Variants in CABLES2 observed in about 807,000 individuals in gnomAD.
CABLES2 encodes CDK5 and ABL1 enzyme substrate 2.
In CABLES2, 35 loss-of-function variants were observed where a neutral mutation model predicts 44.8. The observed-to-expected ratio is 0.78, with a 90% confidence interval of 0.60 to 1.04. CABLES2 has a LOEUF of 1.04. Ranked by LOEUF, CABLES2 falls within the 50% of genes least tolerant of loss-of-function variation. The probability of loss-of-function intolerance (pLI) is 0.00; values close to 1 mark genes in which losing one functional copy is unlikely to be tolerated. For missense variants in CABLES2, 566 were observed against 615.7 expected (o/e 0.92, Z 0.85); for synonymous variants, 282 against 281.1 (o/e 1.00, Z -0.03).
intron 1 of CABLES2, chr20:62,404,426 A>G (rs1286186790): frequency 6.6e-6 from 1 of 152,374 alleles, no homozygotes; most frequent in African/African-American, 2.4e-5. Context: ...CACCACACTC[A>G]CAAGACCAAC....
chr20:62,399,264 G>T (rs1988143819), intron 1 of CABLES2, among the ~76,000 whole-genome samples: 1 of 78,494 alleles, frequency 1.3e-5, no homozygotes, highest in African/African-American at 7.9e-5. Flanking sequence ...TTATTTTTTT[G>T]AGATGGAGTC....
intron 1 of CABLES2, among the ~76,000 whole-genome samples, chr20:62,398,109 G>GTGGTTATGACGGTGGTGA (rs1988091144): frequency 9.5e-6 from 1 of 104,842 alleles, no homozygotes; most frequent in Non-Finnish European, 2.1e-5. Flanking sequence ...GGTGGTGATG[G>GTGGTTATGACGGTGGTGA]TGGTGGTGGT....
rs1569017652 is a variant in CABLES2 at position 62,398,116 on chromosome 20, T to TGGTGGTGGTGATGGC, written c.363-1525_363-1524insGCCATCACCACCACC. Among the ~76,000 whole-genome samples, 160 of 137,870 alleles carry TGGTGGTGGTGATGGC rather than the reference T, an allele frequency of 1.2e-3. 3 individuals are homozygous for TGGTGGTGGTGATGGC. Among genetic ancestry groups the TGGTGGTGGTGATGGC allele is most frequent in the Non-Finnish European group, 2.1e-3 (135 of 64,848 alleles). The allele number at this position is 137,870 out of a possible 152,430, so 90.4% of individuals were successfully genotyped here. A position where few individuals can be genotyped will look rare whatever the true frequency, so the allele number is the denominator to read the frequency against. On this transcript the variant is annotated intron_variant, in intron 1 of 9. Transcript: ENST00000279101. ...GTGGTGGTGGTGGTGATGGTGGTGG[T>TGGTGGTGGTGATGGC]GGTGGTGGTTATGACGGTGGTGATG...
At chr20:62,398,141 GGTGGT>G (rs1988097197) in intron 1 of CABLES2, among the ~76,000 whole-genome samples, 1 of 141,844 alleles carries the variant, frequency 7.1e-6, no homozygotes, top group Non-Finnish European at 1.5e-5. Context: ...CGGTGGTGAT[GGTGGT>G]GGTGGTGGTG....
At chr20:62,397,962 A>G (rs865972807) in intron 1 of CABLES2, among the ~76,000 whole-genome samples, 47 of 75,076 alleles carry the variant, frequency 6.3e-4, no homozygotes, top group South Asian at 3.4e-3. Flanking sequence ...AGTGGTGGTG[A>G]TGGTGGTGAC....
At chr20:62,392,536 C>T (rs754751650) in intron 7 of CABLES2, 41 bp from the exon 8 acceptor site, 5 of 1,409,018 alleles carry the variant, frequency 3.5e-6, no homozygotes, top group East Asian at 2.3e-5. Flanking sequence ...GCCCCTCGCA[C>T]AGTCCATGGG....
intron 8 of CABLES2, among the ~76,000 whole-genome samples, chr20:62,392,167 T>G (rs183319215): frequency 7.2e-6 from 1 of 139,474 alleles, no homozygotes; most frequent in East Asian, 2.2e-4. Flanking sequence ...AGAGACCCAG[T>G]GGTGTGTGGG....
At position 62,398,032 on chromosome 20, in the gene CABLES2, CAGTGATGGTGATGGTGGTGATGGCGAT is replaced by C. The variant is rs1988073623; in HGVS notation, c.363-1467_363-1441del. Among the ~76,000 whole-genome samples the C allele has an allele frequency of 6.3e-5, 5 of 78,840 alleles. No homozygotes were observed. The South Asian group carries it at 1.4e-3, about 23-fold the overall frequency. The allele number at this position is 78,840 out of a possible 152,430, so 51.7% of individuals were successfully genotyped here. ...GTTATGGCGGTGGTGGTGGTGGTGA[CAGTGATGGTGATGGTGGTGATGGCGAT>C]GGTGGTGGTGACGGTGGTGGTGGTG... On this transcript the variant is annotated intron_variant, in intron 1 of 9. Coordinates refer to ENST00000279101, the MANE Select transcript of CABLES2 (RefSeq NM_031215.3).
intron 4 of CABLES2, among the ~76,000 whole-genome samples, 171 bp downstream of exon 4, chr20:62,394,766 C>T (rs566851979): frequency 7.0e-4 from 107 of 152,336 alleles, no homozygotes; most frequent in African/African-American, 2.5e-3. Flanking sequence ...GAAACGGCCC[C>T]GGGTTCCTGA....
intron 1 of CABLES2, chr20:62,405,200 C>T (rs1175768484): frequency 6.6e-6 from 1 of 152,390 alleles, no homozygotes; most frequent in African/African-American, 2.4e-5. Context: ...TGTCAAACAA[C>T]AGGGCCCGGG....
At chr20:62,397,896 GTGGTGGTGA>G (rs2146422876) in intron 1 of CABLES2, among the ~76,000 whole-genome samples, 1 of 151,392 alleles carries the variant, frequency 6.6e-6, no homozygotes, top group African/African-American at 2.4e-5. Context: ...GGTGATGGCG[GTGGTGGTGA>G]TGGTGATGGC....
chr20:62,397,915 C>CGGTGGTGGTGGTG, intron 1 of CABLES2, among the ~76,000 whole-genome samples: 1 of 55,550 alleles, frequency 1.8e-5, no homozygotes, highest in East Asian at 1.2e-3. Context: ...ATGGTGATGG[C>CGGTGGTGGTGGTG]AGTGGTGATG....
In CABLES2 at chr20:62,407,055, C is replaced by T; in HGVS notation, c.222G>A (p.Pro74=). The T allele has an allele frequency of 1.8e-6, 2 of 1,090,108 alleles. No homozygotes were observed. Among genetic ancestry groups the T allele is most frequent in the East Asian group, 6.3e-5 (1 of 15,850 alleles). 67.5% of individuals were successfully genotyped at this position (1,090,108 alleles called of 1,614,324 possible). A position where few individuals can be genotyped will look rare whatever the true frequency, so the allele number is the denominator to read the frequency against. ...LGPGGEKPPP[P]PAEAREPPAP... ...CTGGCGGTTCGCGGGCCTCGGCGGG[C>T]GGCGGCGGGGGCTTCTCTCCGCCCG... Residue 74 remains proline (P), a synonymous_variant, in exon 1 of 10, where the codon CCG becomes CCA. Coordinates refer to ENST00000279101, the MANE Select transcript of CABLES2 (RefSeq NM_031215.3).
intron 1 of CABLES2, among the ~76,000 whole-genome samples, chr20:62,397,979 G>GATGGTGATGATGGTGATGGTT (rs1988063666): frequency 8.8e-6 from 1 of 113,312 alleles, no homozygotes; most frequent in Admixed American, 8.6e-5. Context: ...TGACAGTGGT[G>GATGGTGATGATGGTGATGGTT]ATGGCGGTGG....
intron 1 of CABLES2, among the ~76,000 whole-genome samples, chr20:62,402,035 AC>A (rs58564395): frequency 0.099 from 15,089 of 152,216 alleles, 975 homozygotes; most frequent in African/African-American, 0.18. Flanking sequence ...CCGTAGAGTT[AC>A]ACTGGCGGTG....
At chr20:62,406,531 T>G (rs1988288471) in intron 1 of CABLES2, among the ~76,000 whole-genome samples, 1 of 129,398 alleles carries the variant, frequency 7.7e-6, no homozygotes. Context: ...GAACCCTATG[T>G]GTGGGGGGTG....
chr20:62,392,095 C>G (rs6587224), intron 8 of CABLES2, among the ~76,000 whole-genome samples: 78,762 of 151,616 alleles, frequency 0.52, 21,230 homozygotes, highest in African/African-American at 0.65. Context: ...CCGGGCACAA[C>G]AGAGGCCTTG....
At chr20:62,401,339 C>T (rs1022429727) in intron 1 of CABLES2, among the ~76,000 whole-genome samples, 3 of 152,214 alleles carry the variant, frequency 2.0e-5, no homozygotes, top group Non-Finnish European at 4.4e-5. Flanking sequence ...CAAGGGAGAA[C>T]GAGGGAGGTG....
In CABLES2 at chr20:62,407,253, T is replaced by G. The variant is rs1988318612; in HGVS notation, c.24A>C (p.Gly8=). MAAAAAG[G]APGPAPGPAG... Reference sequence around the variant, plus strand: ...CGGGGCCGGGGGCCGGGCCCGGGGCTCCACCGGCCGCGGCCGCGGCCATCC... The same window carrying G: ...CGGGGCCGGGGGCCGGGCCCGGGGCGCCACCGGCCGCGGCCGCGGCCATCC... The change falls in exon 1 of 10, where the codon GGA becomes GGC. Residue 8 remains glycine, a synonymous_variant. Transcript: ENST00000279101. 3.0e-6 allele frequency: 2 copies of G among 663,628 alleles called. No homozygotes were observed. The highest frequency in any genetic ancestry group is 3.7e-6 in the Non-Finnish European group (2 of 540,974). The allele number at this position is 663,628 out of a possible 1,614,324, so 41.1% of individuals were successfully genotyped here.
Sources: gnomAD v4.1 joint callset for allele counts (sites outside exome capture counted in the v4.1 genomes callset) on GRCh38, gnomAD v4.1.1 for gene constraint, MANE v1.5 for transcripts, NCBI Gene and HGNC (gene_info 2026-07-23, HGNC 2026-07-21) for gene names.